The following CDC42BPA variants were observed in gnomAD, a reference collection of about 807,000 sequenced individuals.
The protein encoded by CDC42BPA is CDC42 binding protein kinase alpha, also known as serine/threonine-protein kinase MRCK alpha.
CDC42BPA carries 80 observed loss-of-function variants against 223.5 expected under a neutral mutation model. The observed-to-expected ratio is 0.36, with a 90% CI of 0.30 to 0.43. The LOEUF is 0.43. CDC42BPA is among the 20% of genes least tolerant of loss of function. The pLI is 1.00. For missense variants in CDC42BPA, 1,743 were observed against 2,099.9 expected, an observed-to-expected ratio of 0.83 and a Z score of 3.32; for synonymous variants, 694 against 718.6, an observed-to-expected ratio of 0.97 and a Z score of 0.55.
intron 6 of CDC42BPA, among the ~76,000 whole-genome samples, chr1:227,156,289 A>C (rs2149768349): frequency 6.6e-6 from 1 of 152,090 alleles, no homozygotes; most frequent in Non-Finnish European, 1.5e-5. Context: ...AGTAACTGGG[A>C]CTATAGGTGC....
chr1:227,021,144 A>G (rs575082141), intron 32 of CDC42BPA, among the ~76,000 whole-genome samples: 19 of 152,328 alleles, frequency 1.2e-4, no homozygotes, highest in East Asian at 1.9e-4. Context: ...AACAGACAGA[A>G]TAACAGTGAA....
At chr1:227,138,938 G>A (rs1269209845) in intron 10 of CDC42BPA, among the ~76,000 whole-genome samples, 1 of 152,154 alleles carries the variant, frequency 6.6e-6, no homozygotes, top group African/African-American at 2.4e-5. Flanking sequence ...GGTAACGGTG[G>A]CAGTGAAGAA....
At chr1:227,180,613 T>C (rs1215368681) in intron 5 of CDC42BPA, 2 of 152,128 alleles carry the variant, frequency 1.3e-5, no homozygotes, top group Non-Finnish European at 2.9e-5. Context: ...GGACACACAA[T>C]ATCAGTTGGT....
intron 12 of CDC42BPA, among the ~76,000 whole-genome samples, chr1:227,119,316 T>C (rs958005421): frequency 1.3e-5 from 2 of 152,088 alleles, no homozygotes; most frequent in Admixed American, 1.3e-4. Flanking sequence ...TGTTTAAATG[T>C]TTCACAAAGT....
At chr1:227,173,483 TCTGGAAAGGA>T (rs1189862474) in intron 5 of CDC42BPA, among the ~76,000 whole-genome samples, 6 of 152,082 alleles carry the variant, frequency 3.9e-5, no homozygotes, top group Non-Finnish European at 7.4e-5. Flanking sequence ...ATGTTTTGCC[TCTGGAAAGGA>T]CTGGAGACTA....
chr1:227,184,462 T>C (rs1668438437), intron 5 of CDC42BPA, among the ~76,000 whole-genome samples: 1 of 151,488 alleles, frequency 6.6e-6, no homozygotes. Flanking sequence ...TTTCTCAAAA[T>C]CAGTTGAAAA....
intron 3 of CDC42BPA, among the ~76,000 whole-genome samples, chr1:227,203,612 T>C (rs184984566): frequency 3.9e-5 from 6 of 152,264 alleles, no homozygotes; most frequent in Non-Finnish European, 5.9e-5. Context: ...ATATTTGATA[T>C]CTAAGAATGT....
intron 15 of CDC42BPA, 28 bp downstream of exon 15, chr1:227,100,964 A>G (rs774665085): frequency 7.6e-7 from 1 of 1,317,326 alleles, no homozygotes; most frequent in South Asian, 1.3e-5. Flanking sequence ...GTAAGTATTT[A>G]CTGTATAGTA....
intron 34 of CDC42BPA, among the ~76,000 whole-genome samples, chr1:227,014,948 T>C (rs764776237): frequency 6.6e-6 from 1 of 152,198 alleles, no homozygotes; most frequent in East Asian, 1.9e-4. Flanking sequence ...TAAAACAGAA[T>C]AGTTCTCCAA....
chr1:227,257,998 T>C (rs2670465), intron 1 of CDC42BPA, among the ~76,000 whole-genome samples: 43,177 of 149,944 alleles, frequency 0.29, 6,888 homozygotes, highest in East Asian at 0.37. Flanking sequence ...GGCAAAACTC[T>C]GTCTCTACAA....
intron 2 of CDC42BPA, among the ~76,000 whole-genome samples, chr1:227,218,763 G>A (rs903788550): frequency 6.6e-6 from 1 of 152,134 alleles, no homozygotes; most frequent in African/African-American, 2.4e-5. Context: ...AAAATGTATA[G>A]AAATCACTGT....
chr1:227,125,463 A>G (rs1689396318), intron 11 of CDC42BPA, among the ~76,000 whole-genome samples: 1 of 151,842 alleles, frequency 6.6e-6, no homozygotes, highest in African/African-American at 2.4e-5. Context: ...AATACAAAAA[A>G]TTAGCTGGGT....
chr1:227,092,959 C>T (rs1368626639), intron 15 of CDC42BPA, among the ~76,000 whole-genome samples: 1 of 152,056 alleles, frequency 6.6e-6, no homozygotes, highest in South Asian at 2.1e-4. Context: ...ACGAAGCAAT[C>T]CTCTCAATTT....
intron 10 of CDC42BPA, among the ~76,000 whole-genome samples, chr1:227,136,886 GAAA>G (rs983090669): frequency 4.0e-5 from 6 of 151,878 alleles, no homozygotes; most frequent in African/African-American, 1.5e-4. Flanking sequence ...CACATTACAA[GAAA>G]ACAATAAAGG....
chr1:227,015,185 C>G (rs1032032629), intron 34 of CDC42BPA, among the ~76,000 whole-genome samples: 39 of 151,996 alleles, frequency 2.6e-4, no homozygotes, highest in African/African-American at 8.0e-4. Context: ...CCAGCACTTT[C>G]AGAGGCCAAG....
At chr1:227,239,726 C>G (rs934788085) in intron 2 of CDC42BPA, among the ~76,000 whole-genome samples, 1 of 152,032 alleles carries the variant, frequency 6.6e-6, no homozygotes, top group African/African-American at 2.4e-5. Context: ...TTTTTAAATG[C>G]TCAGCAAACT....
intron 1 of CDC42BPA, among the ~76,000 whole-genome samples, chr1:227,286,978 T>C (rs1572871334): frequency 6.6e-6 from 1 of 150,902 alleles, no homozygotes; most frequent in Admixed American, 6.7e-5. Context: ...AACTCACACA[T>C]TAACCACAGG....
chr1:227,172,265 T>C (rs1666227588), intron 5 of CDC42BPA, among the ~76,000 whole-genome samples: 1 of 152,160 alleles, frequency 6.6e-6, no homozygotes, highest in African/African-American at 2.4e-5. Context: ...TTCAAAAAAT[T>C]CTGTCAGTAA....
At chr1:227,301,593 C>T (rs1253521502) in intron 1 of CDC42BPA, among the ~76,000 whole-genome samples, 1 of 152,032 alleles carries the variant, frequency 6.6e-6, no homozygotes, top group African/African-American at 2.4e-5. Flanking sequence ...CTCTTGACCT[C>T]GTGATCTGCC....
Sources: allele counts gnomAD v4.1 joint callset (sites outside exome capture counted in the v4.1 genomes callset), GRCh38; gene constraint gnomAD v4.1.1; transcripts MANE v1.5; gene names NCBI Gene and HGNC (gene_info 2026-07-23, HGNC 2026-07-21).